The following PTBP3 variants were observed in gnomAD, a reference collection of about 807,000 sequenced individuals.
PTBP3 encodes polypyrimidine tract binding protein 3, also known as polypyrimidine tract-binding protein 3.
PTBP3 carries 20 observed loss-of-function variants against 58.7 expected under a neutral mutation model. The ratio of observed to expected loss-of-function variants is 0.34; its 90% CI spans 0.24 to 0.50. The LOEUF (loss-of-function observed/expected upper bound fraction) is 0.50. Among genes scored for constraint, PTBP3 ranks in the 20% least tolerant of loss-of-function variants. PTBP3 has a pLI of 0.98. For synonymous variants in PTBP3, 185 were observed against 219.8 expected, an observed-to-expected ratio of 0.84 and a Z score of 1.40; for missense variants, 509 against 637.2, an observed-to-expected ratio of 0.80 and a Z score of 2.17.
chr9:112,326,051 G>C (rs1830143902), intron 1 of PTBP3, among the ~76,000 whole-genome samples: 1 of 152,082 alleles, frequency 6.6e-6, no homozygotes, highest in Admixed American at 6.5e-5. Context: ...AATCTCTGGT[G>C]ATAGAAATCA....
At chr9:112,369,838 C>T in the PTBP3 span, among the ~76,000 whole-genome samples, 2 of 152,064 alleles carry the variant, frequency 1.3e-5, no homozygotes, top group African/African-American at 4.8e-5. Flanking sequence ...ATAATACCCA[C>T]GTGTTATGGT....
At chr9:112,339,480 C>G in the PTBP3 span, among the ~76,000 whole-genome samples, 1 of 151,856 alleles carries the variant, frequency 6.6e-6, no homozygotes, top group Non-Finnish European at 1.5e-5. Flanking sequence ...CTCCCAGACC[C>G]CACTTAGAAG....
intron 3 of PTBP3, 95 bp from the exon 4 acceptor site, chr9:112,268,290 C>CCTG: frequency 8.1e-7 from 1 of 1,240,950 alleles, no homozygotes; most frequent in South Asian, 2.1e-5. Flanking sequence ...AACCCATGCA[C>CCTG]TCTCAAGTAA....
At chr9:112,367,740 G>C in the PTBP3 span, among the ~76,000 whole-genome samples, 2 of 151,988 alleles carry the variant, frequency 1.3e-5, no homozygotes, top group Non-Finnish European at 2.9e-5. Context: ...CTTTGACTTT[G>C]ATGATTTGAT....
intron 10 of PTBP3, among the ~76,000 whole-genome samples, chr9:112,229,600 A>G (rs1255271267): frequency 6.6e-6 from 1 of 152,018 alleles, no homozygotes; most frequent in Non-Finnish European, 1.5e-5. Context: ...TAGTTACATC[A>G]TTATCATACT....
the PTBP3 span, among the ~76,000 whole-genome samples, chr9:112,348,269 G>T: frequency 1.3e-4 from 20 of 152,236 alleles, no homozygotes; most frequent in Non-Finnish European, 2.8e-4. Context: ...TCTCTAAAAT[G>T]ATAATTGGCC....
chr9:112,287,588 G>A (rs372781285), intron 2 of PTBP3, among the ~76,000 whole-genome samples: 3 of 151,570 alleles, frequency 2.0e-5, no homozygotes, highest in Non-Finnish European at 2.9e-5. Context: ...TGATCCACCC[G>A]CCTCGGCCTC....
At chr9:112,344,099 A>T in the PTBP3 span, among the ~76,000 whole-genome samples, 3 of 152,000 alleles carry the variant, frequency 2.0e-5, no homozygotes, top group Non-Finnish European at 4.4e-5. Context: ...TTTCATTTTA[A>T]TTTTAAAAGG....
At chr9:112,233,277 GTGTGTGTGT>G (rs1835315871) in intron 8 of PTBP3, among the ~76,000 whole-genome samples, 1 of 14,490 alleles carries the variant, frequency 6.9e-5, no homozygotes, top group South Asian at 3.7e-3. Context: ...TGTAGGGTGT[GTGTGTGTGT>G]GTGTGTGTGT....
chr9:112,334,168 G>T (rs748869273), upstream of PTBP3, among the ~76,000 whole-genome samples: 12 of 152,060 alleles, frequency 7.9e-5, no homozygotes, highest in Non-Finnish European at 1.6e-4. Flanking sequence ...TCGACCGCTG[G>T]GACCGACACC....
chr9:112,287,646 TTTTTTCTGTCTGTGTGCTTCAG>T (rs1450978174), intron 2 of PTBP3, among the ~76,000 whole-genome samples: 3 of 152,106 alleles, frequency 2.0e-5, no homozygotes, highest in Non-Finnish European at 4.4e-5. Flanking sequence ...CAGCCTTCAG[TTTTTTCTGTCTGTGTGCTTCAG>T]TTTCTTTTGC....
At chr9:112,250,398 A>G (rs973454653) in intron 7 of PTBP3, among the ~76,000 whole-genome samples, 4 of 152,176 alleles carry the variant, frequency 2.6e-5, no homozygotes, top group African/African-American at 9.6e-5. Flanking sequence ...ATTTGCAGAG[A>G]CAATTTAGAA....
Position 112,221,213 on chromosome 9 carries a change from G to A in PTBP3, c.*2638C>T. Reference sequence around the variant, plus strand: ...GTCAATAAATTAAAATGTATGTAATGTGCATATGTATATACAACTTTAGAA... The same window carrying A: ...GTCAATAAATTAAAATGTATGTAATATGCATATGTATATACAACTTTAGAA... On this transcript the variant is annotated 3_prime_UTR_variant, in exon 14 of 14. Transcript: ENST00000374257. 1 of 984,796 alleles carries A rather than the reference G, an allele frequency of 1.0e-6. No individual in the cohort carries two copies. The highest frequency in any genetic ancestry group is 1.2e-6 in the Non-Finnish European group (1 of 829,084). The allele number at this position is 984,796 out of a possible 1,614,324, so 61.0% of individuals were successfully genotyped here. A position where few individuals can be genotyped will look rare whatever the true frequency, so the allele number is the denominator to read the frequency against.
At chr9:112,283,521 T>C (rs1052410391) in intron 2 of PTBP3, among the ~76,000 whole-genome samples, 4 of 152,244 alleles carry the variant, frequency 2.6e-5, no homozygotes, top group Admixed American at 2.0e-4. Context: ...TTAGGGTATC[T>C]GGCAGAAGAA....
In PTBP3 at chr9:112,223,021, AT is replaced by A; in HGVS notation, c.*829del. The A allele has an allele frequency of 1.2e-6, 1 of 850,904 alleles. No homozygotes were observed. The highest frequency in any genetic ancestry group is 1.4e-6 in the Non-Finnish European group (1 of 707,306). The allele number at this position is 850,904 out of a possible 1,614,324, so 52.7% of individuals were successfully genotyped here. A position where few individuals can be genotyped will look rare whatever the true frequency, so the allele number is the denominator to read the frequency against. ...AAAAAAGTAGTTTATAAGTAGGATT[AT>A]TTTTCTTTAAAATTTTCCAAGATCA... is the stretch of plus-strand genomic sequence containing the variant. On this transcript the variant is annotated 3_prime_UTR_variant, in exon 14 of 14. Coordinates refer to ENST00000374257, the MANE Select transcript of PTBP3 (RefSeq NM_001163788.4).
At position 112,332,095 on chromosome 9, in the gene PTBP3, C is replaced by T. The variant is rs900796823; in HGVS notation, c.-52+1375G>A. ...TGTGAAATAAGTTTTCAACAATGTT[C>T]TCGAAGAAACTTCAATCAAACAATA... On this transcript the variant is annotated intron_variant, in intron 1 of 13. Transcript: ENST00000374257. 5.9e-5 allele frequency among the ~76,000 whole-genome samples: 9 copies of T among 152,196 alleles called. No individual in the cohort carries two copies. The South Asian group carries it at 1.9e-3, about 32-fold the overall frequency.
intron 1 of PTBP3, among the ~76,000 whole-genome samples, chr9:112,329,833 G>A (rs1307328105): frequency 6.9e-6 from 1 of 144,388 alleles, no homozygotes; most frequent in Non-Finnish European, 1.5e-5. Flanking sequence ...ATAAATCAGA[G>A]CCTAGGCTAC....
chr9:112,345,495 C>T, the PTBP3 span, among the ~76,000 whole-genome samples: 5 of 151,294 alleles, frequency 3.3e-5, no homozygotes, highest in Non-Finnish European at 5.9e-5. Flanking sequence ...TGTGCCTCAG[C>T]CTCCTCAGTA....
chr9:112,238,167 C>G (rs1023384272), intron 7 of PTBP3, among the ~76,000 whole-genome samples: 7 of 151,858 alleles, frequency 4.6e-5, no homozygotes, highest in Non-Finnish European at 7.4e-5. Flanking sequence ...TGCAAAAAAT[C>G]TGAGATACTA....
Sources: gnomAD v4.1 joint callset for allele counts (sites outside exome capture counted in the v4.1 genomes callset) on GRCh38, gnomAD v4.1.1 for gene constraint, MANE v1.5 for transcripts, NCBI Gene and HGNC (gene_info 2026-07-23, HGNC 2026-07-21) for gene names.